XXYLT1: variants seen among roughly 807,000 people sequenced by gnomAD.
The protein encoded by XXYLT1 is UDP-xylose:alpha-xyloside alpha-1,3-xylosyltransferase.
XXYLT1 carries 20 observed loss-of-function variants against 28.9 expected under a neutral mutation model. That is an observed-to-expected ratio of 0.69 (90% CI 0.49 to 1.00). The LOEUF is 1.00. Among genes scored for constraint, XXYLT1 ranks in the 50% least tolerant of loss-of-function variants. The probability of loss-of-function intolerance (pLI) is 0.00; values close to 1 mark genes in which losing one functional copy is unlikely to be tolerated. For synonymous variants in XXYLT1, 257 were observed against 253.8 expected, an observed-to-expected ratio of 1.01 and a Z score of -0.12; for missense variants, 542 against 560.1, an observed-to-expected ratio of 0.97 and a Z score of 0.33.
At chr3:195,106,257 T>A (rs1003373246) in intron 3 of XXYLT1, among the ~76,000 whole-genome samples, 3 of 152,018 alleles carry the variant, frequency 2.0e-5, no homozygotes. Context: ...GCTGTGTCGT[T>A]TTTGATGGAG....
intron 2 of XXYLT1, among the ~76,000 whole-genome samples, chr3:195,170,896 T>C (rs114559555): frequency 0.042 from 6,362 of 151,438 alleles, 466 homozygotes; most frequent in African/African-American, 0.15. Flanking sequence ...AAAAAAGTAA[T>C]CCAGCCATGA....
chr3:195,243,249 C>G (rs1560171080), intron 1 of XXYLT1, among the ~76,000 whole-genome samples: 1 of 151,736 alleles, frequency 6.6e-6, no homozygotes. Context: ...TTAGGAGATA[C>G]ACGTAATGTA....
At chr3:195,200,166 G>A (rs754939239) in intron 2 of XXYLT1, among the ~76,000 whole-genome samples, 16 of 152,266 alleles carry the variant, frequency 1.1e-4, no homozygotes, top group South Asian at 2.1e-4. Flanking sequence ...TCCAAATCTC[G>A]CGCTCTAGAA....
chr3:195,247,979 C>T, intron 1 of XXYLT1: 1 of 542,294 alleles, frequency 1.8e-6, no homozygotes, highest in South Asian at 2.3e-5. Context: ...CCAGGCCCTT[C>T]CTCTGACACG....
At chr3:195,178,718 A>G (rs902954846) in intron 2 of XXYLT1, among the ~76,000 whole-genome samples, 1 of 152,172 alleles carries the variant, frequency 6.6e-6, no homozygotes, top group East Asian at 1.9e-4. Flanking sequence ...GCAGAGACCA[A>G]CTGCTGTGCA....
Position 195,133,235 on chromosome 3 carries a change from A to G in XXYLT1, c.785+23214T>C, listed in dbSNP as rs1718991767. Among the ~76,000 whole-genome samples the G allele has an allele frequency of 6.6e-6, 1 of 152,210 alleles. No homozygotes were observed. The highest frequency in any genetic ancestry group is 6.5e-5 in the Admixed American group (1 of 15,280). On this transcript the variant is annotated intron_variant, in intron 3 of 3. Coordinates refer to ENST00000310380, the MANE Select transcript of XXYLT1 (RefSeq NM_152531.5). The surrounding 1 kb of genome is among the most constrained non-coding windows in gnomAD (Gnocchi z 4.4). ...GCCTGCTGAGCAGACAGATGGCTGC[A>G]AGTCCCAACGCTCTGATAAAAAAAG...
At chr3:195,223,430 T>G (rs767406175) in intron 2 of XXYLT1, among the ~76,000 whole-genome samples, 26 of 152,032 alleles carry the variant, frequency 1.7e-4, no homozygotes, top group Non-Finnish European at 1.2e-4. Flanking sequence ...AGACCAAGGG[T>G]TCAGGCTCCA....
chr3:195,243,252 GT>G (rs1724860800), intron 1 of XXYLT1, among the ~76,000 whole-genome samples: 1 of 151,782 alleles, frequency 6.6e-6, no homozygotes, highest in African/African-American at 2.4e-5. Flanking sequence ...GGAGATACAC[GT>G]AATGTAAATG....
Position 195,173,545 on chromosome 3 carries a change from T to C in XXYLT1, c.653-16964A>G, listed in dbSNP as rs1308317003. 6.6e-6 allele frequency among the ~76,000 whole-genome samples: 1 copy of C among 152,252 alleles called. No individual in the cohort carries two copies. ...TTTTATTCACTGAATCGTATGCTCCTAATGACTAAAAGCATCATTTTAAAG... is the reference window on the plus strand; with the variant it reads ...TTTTATTCACTGAATCGTATGCTCCCAATGACTAAAAGCATCATTTTAAAG... On this transcript the variant is annotated intron_variant, in intron 2 of 3. Coordinates refer to ENST00000310380, the MANE Select transcript of XXYLT1 (RefSeq NM_152531.5). This position sits in a 1 kb window ranked among gnomAD's most constrained non-coding sequence, Gnocchi z 4.3.
chr3:195,070,212 A>C, intron 3 of XXYLT1, 101 bp from the exon 4 acceptor site: 1 of 1,429,946 alleles, frequency 7.0e-7, no homozygotes, highest in Non-Finnish European at 9.3e-7. Context: ...AAACACTGCC[A>C]CATTCCGGGG....
chr3:195,087,821 G>C (rs990165548), intron 3 of XXYLT1, among the ~76,000 whole-genome samples: 1 of 152,060 alleles, frequency 6.6e-6, no homozygotes, highest in Non-Finnish European at 1.5e-5. Flanking sequence ...GTCAGTGGGT[G>C]CGCGCACCGT....
intron 3 of XXYLT1, among the ~76,000 whole-genome samples, chr3:195,070,516 C>T (rs187604071): frequency 4.7e-4 from 71 of 152,232 alleles, no homozygotes; most frequent in South Asian, 1.2e-3. Context: ...AAGCAGCAGA[C>T]GCAGGGACTA....
chr3:195,259,690 A>C, intron 1 of XXYLT1: 1 of 985,282 alleles, frequency 1.0e-6, no homozygotes, highest in Non-Finnish European at 1.2e-6. Context: ...GGCCAGCGCC[A>C]GGGACAGACC....
chr3:195,149,840 G>A (rs1324957679), intron 3 of XXYLT1, among the ~76,000 whole-genome samples: 1 of 152,188 alleles, frequency 6.6e-6, no homozygotes, highest in East Asian at 1.9e-4. Context: ...AATGTATGAT[G>A]GTAATTTCCG....
intron 1 of XXYLT1, among the ~76,000 whole-genome samples, chr3:195,236,784 G>A (rs1373143439): frequency 1.3e-5 from 2 of 151,782 alleles, no homozygotes; most frequent in East Asian, 3.9e-4. Flanking sequence ...GATTATTCAG[G>A]GTCCAGGGGC....
chr3:195,200,388 A>G (rs1236043910), intron 2 of XXYLT1, among the ~76,000 whole-genome samples: 1 of 152,242 alleles, frequency 6.6e-6, no homozygotes, highest in Non-Finnish European at 1.5e-5. Flanking sequence ...ATTACATGAG[A>G]TAATTCATCC....
rs1724717285 is a variant in XXYLT1 at position 195,240,207 on chromosome 3, G to A, written c.505-13351C>T. Among the ~76,000 whole-genome samples, 1 of 152,212 alleles carries A rather than the reference G, an allele frequency of 6.6e-6. No individual in the cohort carries two copies. The highest frequency in any genetic ancestry group is 1.5e-5 in the Non-Finnish European group (1 of 68,046). The stretch of plus-strand genomic sequence containing the variant: ...GGAAAGGCTCAACTCTTTCGAAAGG[G>A]ACAGTGTAGGGAGGAGGGGAAAGAG... On this transcript the variant is annotated intron_variant, in intron 1 of 3. Coordinates refer to ENST00000310380, the MANE Select transcript of XXYLT1 (RefSeq NM_152531.5). The surrounding 1 kb of genome is among the most constrained non-coding windows in gnomAD (Gnocchi z 4.7).
At chr3:195,184,808 AT>A in intron 2 of XXYLT1, 1 of 985,456 alleles carries the variant, frequency 1.0e-6, no homozygotes, top group Non-Finnish European at 1.2e-6. Flanking sequence ...TAGGAAAAAA[AT>A]CTGAAGTTCC....
intron 3 of XXYLT1, among the ~76,000 whole-genome samples, chr3:195,147,167 C>T (rs770218242): frequency 1.3e-4 from 20 of 152,102 alleles, no homozygotes; most frequent in Non-Finnish European, 2.4e-4. Context: ...TTTTATCTAC[C>T]CTATCTCCCT....
Sources: gnomAD v4.1 joint callset for allele counts (sites outside exome capture counted in the v4.1 genomes callset) on GRCh38, gnomAD v4.1.1 for gene constraint, Gnocchi (gnomAD v3.1) non-coding constraint, MANE v1.5 for transcripts, NCBI Gene and HGNC (gene_info 2026-07-23, HGNC 2026-07-21) for gene names.